MMP16: variants seen among roughly 807,000 people sequenced by gnomAD.
MMP16 encodes matrix metalloproteinase-16.
A neutral mutation model predicts 67.8 loss-of-function variants in MMP16; 12 were observed. That is an observed-to-expected ratio of 0.18 (90% CI 0.11 to 0.29). The LOEUF (loss-of-function observed/expected upper bound fraction) is 0.29, where lower values mean the gene tolerates loss of function less well. MMP16 is among the 10% of genes least tolerant of loss of function. The pLI, the probability that MMP16 is intolerant of heterozygous loss-of-function variation, is 1.00. For missense variants in MMP16, 475 were observed against 765.7 expected, an observed-to-expected ratio of 0.62 and a Z score of 4.48; for synonymous variants, 249 against 255.9, an observed-to-expected ratio of 0.97 and a Z score of 0.26.
chr8:88,081,624 T>C (rs1387358411), intron 6 of MMP16, among the ~76,000 whole-genome samples: 2 of 152,134 alleles, frequency 1.3e-5, no homozygotes, highest in Non-Finnish European at 2.9e-5. Context: ...TGATGGCTAA[T>C]ACCAATGATT....
At chr8:88,230,714 C>T (rs755384766) in intron 1 of MMP16, among the ~76,000 whole-genome samples, 10 of 152,098 alleles carry the variant, frequency 6.6e-5, no homozygotes, top group Admixed American at 2.6e-4. Context: ...TGATTAAAAG[C>T]AACATTACTA....
chr8:88,235,137 C>T (rs1809919921), intron 1 of MMP16, among the ~76,000 whole-genome samples: 1 of 152,114 alleles, frequency 6.6e-6, no homozygotes, highest in Non-Finnish European at 1.5e-5. Flanking sequence ...AAAAGTTTCA[C>T]TAGAAGCTGG....
At chr8:88,294,085 T>A (rs192418428) in intron 1 of MMP16, among the ~76,000 whole-genome samples, 295 of 152,168 alleles carry the variant, frequency 1.9e-3, no homozygotes, top group Admixed American at 4.1e-3. Flanking sequence ...TCTAACTGAC[T>A]ATCTATAAAG....
At chr8:88,147,120 C>T (rs1055446458) in intron 4 of MMP16, among the ~76,000 whole-genome samples, 2 of 151,932 alleles carry the variant, frequency 1.3e-5, no homozygotes, top group African/African-American at 4.8e-5. Context: ...ATTATATTAT[C>T]ACCTGATCAC....
intron 1 of MMP16, among the ~76,000 whole-genome samples, chr8:88,302,830 G>C (rs1023667843): frequency 6.6e-6 from 1 of 152,192 alleles, no homozygotes; most frequent in Admixed American, 6.6e-5. Flanking sequence ...TTCTCGCACT[G>C]GCACTGACTA....
At chr8:88,243,637 T>A (rs1810065449) in intron 1 of MMP16, among the ~76,000 whole-genome samples, 1 of 152,188 alleles carries the variant, frequency 6.6e-6, no homozygotes, top group Non-Finnish European at 1.5e-5. Context: ...ATGATGGCAT[T>A]GCATTAAATA....
intron 4 of MMP16, among the ~76,000 whole-genome samples, chr8:88,119,869 T>G (rs1008738046): frequency 1.3e-5 from 2 of 152,064 alleles, no homozygotes; most frequent in Non-Finnish European, 2.9e-5. Flanking sequence ...TTGCCACAAA[T>G]GCAAATATTT....
intron 8 of MMP16, among the ~76,000 whole-genome samples, chr8:88,048,699 A>G (rs1472824665): frequency 1.3e-5 from 2 of 152,180 alleles, no homozygotes; most frequent in African/African-American, 4.8e-5. Context: ...GCCACCAAAT[A>G]CGTTTCCCAA....
At chr8:88,081,406 C>T (rs965336786) in intron 6 of MMP16, among the ~76,000 whole-genome samples, 2 of 151,906 alleles carry the variant, frequency 1.3e-5, no homozygotes, top group Admixed American at 6.6e-5. Flanking sequence ...TTAATAACAC[C>T]CTATGTTAGA....
In MMP16 at chr8:88,327,347, G is replaced by C; in HGVS notation, c.-141C>G. 1 of 1,096,456 alleles carries C rather than the reference G, an allele frequency of 9.1e-7. No homozygotes were observed. Among genetic ancestry groups the C allele is most frequent in the South Asian group, 1.5e-5 (1 of 68,002 alleles). 67.9% of individuals were successfully genotyped at this position (1,096,456 alleles called of 1,614,324 possible). On this transcript the variant is annotated 5_prime_UTR_variant, in exon 1 of 10. Transcript: ENST00000286614. ...CAGGTTCACCCACAGCCGGGCAAGG[G>C]GAGGAGACAGGGGCCCCGCGCTCGG...
chr8:88,148,680 T>C (rs989722564), intron 4 of MMP16, among the ~76,000 whole-genome samples: 1 of 152,226 alleles, frequency 6.6e-6, no homozygotes, highest in Non-Finnish European at 1.5e-5. Context: ...TTACTGAATG[T>C]GATGTCAAAA....
chr8:88,053,099 G>C (rs1586124612), intron 8 of MMP16, among the ~76,000 whole-genome samples: 2 of 152,292 alleles, frequency 1.3e-5, no homozygotes, highest in African/African-American at 4.8e-5. Flanking sequence ...ATGAGTGCTA[G>C]GGTAGGACAG....
chr8:88,173,754 T>A (rs541396980), intron 3 of MMP16, among the ~76,000 whole-genome samples: 11 of 152,312 alleles, frequency 7.2e-5, no homozygotes, highest in African/African-American at 2.6e-4. Flanking sequence ...CTTCACAACT[T>A]TTTTCTTAAG....
At chr8:88,080,173 G>A (rs1808721757) in intron 6 of MMP16, among the ~76,000 whole-genome samples, 1 of 152,176 alleles carries the variant, frequency 6.6e-6, no homozygotes, top group Non-Finnish European at 1.5e-5. Context: ...ATGGTGAACT[G>A]TGTCTGGTGT....
intron 1 of MMP16, among the ~76,000 whole-genome samples, chr8:88,205,944 C>G (rs536121092): frequency 6.6e-6 from 1 of 152,130 alleles, no homozygotes; most frequent in South Asian, 2.1e-4. Context: ...TCATCGATAT[C>G]CAATCCATCA....
At chr8:88,133,462 A>G (rs1425687838) in intron 4 of MMP16, among the ~76,000 whole-genome samples, 2 of 151,808 alleles carry the variant, frequency 1.3e-5, no homozygotes, top group African/African-American at 2.4e-5. Flanking sequence ...ATCAGGAGCT[A>G]GTGATGGGTA....
intron 1 of MMP16, among the ~76,000 whole-genome samples, chr8:88,222,592 G>A (rs953059475): frequency 1.3e-5 from 2 of 152,054 alleles, no homozygotes; most frequent in African/African-American, 2.4e-5. Flanking sequence ...ACAAGAAATG[G>A]GGAAAGGATT....
At chr8:88,177,640 T>G (rs1248156124) in intron 3 of MMP16, among the ~76,000 whole-genome samples, 1 of 152,242 alleles carries the variant, frequency 6.6e-6, no homozygotes, top group Non-Finnish European at 1.5e-5. Context: ...ATGAGTATTC[T>G]ATTCTCCATA....
chr8:88,158,149 T>C (rs1438036086), intron 4 of MMP16, among the ~76,000 whole-genome samples: 1 of 152,196 alleles, frequency 6.6e-6, no homozygotes, highest in Non-Finnish European at 1.5e-5. Flanking sequence ...CATGTGTCTT[T>C]ATAGCAGCAT....
Sources: gnomAD v4.1 joint callset for allele counts (sites outside exome capture counted in the v4.1 genomes callset) on GRCh38, gnomAD v4.1.1 for gene constraint, MANE v1.5 for transcripts, NCBI Gene and HGNC (gene_info 2026-07-23, HGNC 2026-07-21) for gene names.